The following CNTN6 variants were observed in gnomAD, a reference collection of about 807,000 sequenced individuals.
The protein encoded by CNTN6 is contactin 6.
A neutral mutation model predicts 122.8 loss-of-function variants in CNTN6; 137 were observed. The observed-to-expected ratio is 1.12, with a 90% CI of 0.97 to 1.29. The LOEUF (loss-of-function observed/expected upper bound fraction) is 1.29, where lower values mean the gene tolerates loss of function less well. Among genes scored for constraint, CNTN6 ranks in the 50% most tolerant of loss-of-function variants. The pLI, the probability that CNTN6 is intolerant of heterozygous loss-of-function variation, is 0.00. For missense variants in CNTN6, 1,634 were observed against 1,223.4 expected (o/e 1.34, Z -5.01); for synonymous variants, 570 against 426.0 (o/e 1.34, Z -4.16).
At chr3:1,122,916 G>C (rs1450821139) in intron 1 of CNTN6, among the ~76,000 whole-genome samples, 1 of 151,786 alleles carries the variant, frequency 6.6e-6, no homozygotes, top group African/African-American at 2.4e-5. Flanking sequence ...ACAGGTACTT[G>C]TTTGAGTGCC....
intron 2 of CNTN6, among the ~76,000 whole-genome samples, chr3:1,184,991 A>G (rs535595338): frequency 6.6e-6 from 1 of 152,278 alleles, no homozygotes; most frequent in South Asian, 2.1e-4. Context: ...GTTAATGTAC[A>G]CTTGGTAGGC....
chr3:1,245,225 T>TACACACAC (rs1308618434), intron 4 of CNTN6, among the ~76,000 whole-genome samples: 272 of 17,184 alleles, frequency 0.016, 45 homozygotes, highest in Non-Finnish European at 0.023. Flanking sequence ...TATATATATA[T>TACACACAC]ATATATATAT....
At chr3:1,360,601 TA>T (rs1402231439) in intron 12 of CNTN6, among the ~76,000 whole-genome samples, 1 of 150,056 alleles carries the variant, frequency 6.7e-6, no homozygotes, top group African/African-American at 2.5e-5. Flanking sequence ...TGTATACACG[TA>T]TTTTTTTTCT....
At chr3:1,137,413 C>T (rs116559516) in intron 1 of CNTN6, among the ~76,000 whole-genome samples, 1,868 of 152,264 alleles carry the variant, frequency 0.012, 46 homozygotes, top group African/African-American at 0.042. Context: ...TTTTTAAACA[C>T]TCTTTTTAAG....
intron 4 of CNTN6, among the ~76,000 whole-genome samples, chr3:1,266,878 A>G (rs2094934017): frequency 6.6e-6 from 1 of 151,252 alleles, no homozygotes; most frequent in Admixed American, 6.6e-5. Context: ...GACCTGGCCC[A>G]GGAGTGAATT....
intron 11 of CNTN6, among the ~76,000 whole-genome samples, chr3:1,341,161 G>A (rs1703829095): frequency 6.6e-6 from 1 of 150,988 alleles, no homozygotes; most frequent in Non-Finnish European, 1.5e-5. Context: ...TTCTCCTCTA[G>A]TAACTTTGGG....
At chr3:1,195,801 T>C (rs2125404784) in intron 2 of CNTN6, among the ~76,000 whole-genome samples, 1 of 152,340 alleles carries the variant, frequency 6.6e-6, no homozygotes, top group East Asian at 1.9e-4. Context: ...TATTCTCACC[T>C]TTAGTATAAT....
At position 1,220,801 on chromosome 3, in the gene CNTN6, C is replaced by G. The variant is rs373263784; in HGVS notation, c.170C>G (p.Ser57Trp). ...AATTGTGCTGCTAATGGTTACCCTT[C>G]GCCTCATTATAGGTAAAATCCTACC... ...ILNCAANGYP[S>W]PHYRWKQNGT... The change falls in exon 3 of 23, where the codon TCG (serine) becomes TGG (tryptophan). Residue 57 changes from serine (S) to tryptophan (W), a missense_variant. Coordinates refer to ENST00000446702, the MANE Select transcript of CNTN6 (RefSeq NM_001289080.2). 2 of 1,605,216 alleles carry G rather than the reference C, an allele frequency of 1.2e-6. No homozygotes were observed. Among genetic ancestry groups the G allele is most frequent in the African/African-American group, 2.7e-5 (2 of 74,492 alleles).
intron 20 of CNTN6, chr3:1,394,094 G>C (rs1452726161): frequency 6.2e-6 from 1 of 162,524 alleles, no homozygotes; most frequent in East Asian, 1.9e-4. Flanking sequence ...AGGGGGCCTA[G>C]ATGTGCAGGC....
At chr3:1,209,922 C>T (rs2094010980) in intron 2 of CNTN6, among the ~76,000 whole-genome samples, 1 of 152,174 alleles carries the variant, frequency 6.6e-6, no homozygotes, top group Non-Finnish European at 1.5e-5. Flanking sequence ...TCACCTTTTA[C>T]CTTTGCTTTC....
intron 2 of CNTN6, among the ~76,000 whole-genome samples, chr3:1,191,540 C>T (rs2093702614): frequency 6.6e-6 from 1 of 152,292 alleles, no homozygotes; most frequent in Non-Finnish European, 1.5e-5. Flanking sequence ...TGGATCTCTC[C>T]CTAGGTACCT....
chr3:1,269,655 T>C (rs1455262037), intron 4 of CNTN6, among the ~76,000 whole-genome samples: 1 of 152,222 alleles, frequency 6.6e-6, no homozygotes, highest in Non-Finnish European at 1.5e-5. Context: ...TATATTATCA[T>C]AGACCAATTA....
chr3:1,149,327 C>A (rs1248505595), intron 2 of CNTN6, among the ~76,000 whole-genome samples: 3 of 152,096 alleles, frequency 2.0e-5, no homozygotes, highest in Non-Finnish European at 2.9e-5. Context: ...TTCCCCCCGA[C>A]TATGTGTTGA....
intron 5 of CNTN6, among the ~76,000 whole-genome samples, chr3:1,288,164 A>T (rs535914708): frequency 3.3e-5 from 5 of 152,258 alleles, no homozygotes; most frequent in African/African-American, 1.2e-4. Flanking sequence ...GAACTTAGCA[A>T]TATTAGGAAC....
At chr3:1,245,197 GATATATATAT>G (rs1217220571) in intron 4 of CNTN6, among the ~76,000 whole-genome samples, 2,751 of 20,118 alleles carry the variant, frequency 0.14, 903 homozygotes, top group South Asian at 0.24. Flanking sequence ...AAGAAAATGT[GATATATATAT>G]ATATATATAT....
At chr3:1,177,841 A>T (rs1322448740) in intron 2 of CNTN6, among the ~76,000 whole-genome samples, 2 of 149,670 alleles carry the variant, frequency 1.3e-5, no homozygotes, top group African/African-American at 4.9e-5. Flanking sequence ...CTATTTGAAT[A>T]TGACTTCTGT....
intron 11 of CNTN6, among the ~76,000 whole-genome samples, chr3:1,336,079 A>G (rs1295219623): frequency 6.6e-6 from 1 of 151,892 alleles, no homozygotes; most frequent in Non-Finnish European, 1.5e-5. Flanking sequence ...AACAACAAAA[A>G]AATCCCTGAA....
intron 2 of CNTN6, among the ~76,000 whole-genome samples, chr3:1,176,230 C>T (rs1283004451): frequency 6.6e-6 from 1 of 152,100 alleles, no homozygotes; most frequent in Non-Finnish European, 1.5e-5. Context: ...CCAGCCTGAC[C>T]AACATGGAGA....
chr3:1,330,163 A>G (rs1361686119), intron 11 of CNTN6, among the ~76,000 whole-genome samples: 2 of 151,928 alleles, frequency 1.3e-5, no homozygotes, highest in Admixed American at 1.3e-4. Flanking sequence ...CAGTGCATGC[A>G]CTTGTAATAG....
Sources: gnomAD v4.1 joint callset for allele counts (sites outside exome capture counted in the v4.1 genomes callset) on GRCh38, gnomAD v4.1.1 for gene constraint, MANE v1.5 for transcripts, NCBI Gene and HGNC (gene_info 2026-07-23, HGNC 2026-07-21) for gene names.